The following ZDHHC21 variants were observed in gnomAD, a reference collection of about 807,000 sequenced individuals.
ZDHHC21 encodes the protein zDHHC palmitoyltransferase 21.
Under a neutral mutation model 34.6 loss-of-function variants are expected in ZDHHC21, and 15 were observed. That is an observed-to-expected ratio of 0.43 (90% CI 0.29 to 0.67). The LOEUF is 0.67. Ranked by LOEUF, ZDHHC21 falls within the 30% of genes least tolerant of loss-of-function variation. The pLI, the probability that ZDHHC21 is intolerant of heterozygous loss-of-function variation, is 0.14. For missense variants in ZDHHC21, 344 were observed against 327.7 expected (o/e 1.05, Z -0.38); for synonymous variants, 142 against 101.8 (o/e 1.40, Z -2.38).
At position 14,616,132 on chromosome 9, in the gene ZDHHC21, A is replaced by C. The variant is rs1455085759; in HGVS notation, c.*2834T>G. On this transcript the variant is annotated 3_prime_UTR_variant, in exon 10 of 10. Coordinates refer to ENST00000380916, the MANE Select transcript of ZDHHC21 (RefSeq NM_178566.6). ...ATTTCAAAACTGAGTAAAATAAACT[A>C]AATGTAGTTTTTTAGATATTCATTA... 2.0e-5 allele frequency: 3 copies of C among 151,820 alleles called. No homozygotes were observed. Among genetic ancestry groups the C allele is most frequent in the African/African-American group, 4.8e-5 (2 of 41,436 alleles). The allele number at this position is 151,820 out of a possible 1,614,324, so 9.4% of individuals were successfully genotyped here. A position where few individuals can be genotyped will look rare whatever the true frequency, so the allele number is the denominator to read the frequency against.
At chr9:14,597,552 G>A in the ZDHHC21 span, among the ~76,000 whole-genome samples, 6,147 of 152,180 alleles carry the variant, frequency 0.04, 457 homozygotes, top group African/African-American at 0.14. Context: ...GTGCTTTCAG[G>A]AGACCCAGGG....
At chr9:14,638,283 A>T (rs992523809) in intron 8 of ZDHHC21, among the ~76,000 whole-genome samples, 4 of 152,046 alleles carry the variant, frequency 2.6e-5, no homozygotes, top group Non-Finnish European at 4.4e-5. Context: ...CATTGGGGGA[A>T]AAAAACAGTC....
At chr9:14,653,124 G>A (rs188445596) in intron 7 of ZDHHC21, among the ~76,000 whole-genome samples, 15 of 152,006 alleles carry the variant, frequency 9.9e-5, no homozygotes. Context: ...GACCTTCGGG[G>A]ATCTTATTCC....
intron 6 of ZDHHC21, among the ~76,000 whole-genome samples, chr9:14,660,533 C>T (rs1473781947): frequency 2.6e-5 from 4 of 152,114 alleles, no homozygotes; most frequent in Non-Finnish European, 5.9e-5. Flanking sequence ...TTACACTGTA[C>T]ATTTCCCCTG....
intron 7 of ZDHHC21, among the ~76,000 whole-genome samples, chr9:14,656,298 A>T (rs889765597): frequency 1.3e-5 from 2 of 151,934 alleles, no homozygotes; most frequent in Non-Finnish European, 2.9e-5. Flanking sequence ...TTACTCTATT[A>T]AACTTAAGTA....
intron 7 of ZDHHC21, among the ~76,000 whole-genome samples, chr9:14,641,431 A>G (rs1320519482): frequency 6.6e-6 from 1 of 152,204 alleles, no homozygotes; most frequent in Non-Finnish European, 1.5e-5. Context: ...CACTATTTAA[A>G]AACACAAATT....
intron 5 of ZDHHC21, among the ~76,000 whole-genome samples, chr9:14,662,888 G>A (rs1260408223): frequency 6.6e-6 from 1 of 152,136 alleles, no homozygotes; most frequent in African/African-American, 2.4e-5. Flanking sequence ...GTATGGGACA[G>A]GTTAGAGAAG....
chr9:14,685,155 T>C lies in ZDHHC21; in HGVS notation c.-175-4993A>G, dbSNP rs1275443386. ...GACATAGGCATGGGCAAGGACTTCA[T>C]GTCTAAAACACCAAAAGCAATGGCA... On this transcript the variant is annotated intron_variant, in intron 2 of 9. Transcript: ENST00000380916. Among the ~76,000 whole-genome samples the C allele has an allele frequency of 5.9e-5, 9 of 151,784 alleles. No homozygotes were observed. The East Asian group carries it at 1.7e-3, about 29-fold the overall frequency.
chr9:14,607,276 C>T (rs765213211), downstream of ZDHHC21, among the ~76,000 whole-genome samples: 3 of 151,886 alleles, frequency 2.0e-5, no homozygotes, highest in Admixed American at 6.6e-5. Flanking sequence ...GGCAAAATCC[C>T]GACTCTACAA....
the ZDHHC21 span, among the ~76,000 whole-genome samples, chr9:14,600,804 T>C: frequency 6.6e-6 from 1 of 152,118 alleles, no homozygotes; most frequent in African/African-American, 2.4e-5. Context: ...AAAACAGATA[T>C]ATAGACCAAT....
intron 8 of ZDHHC21, among the ~76,000 whole-genome samples, chr9:14,638,755 G>A (rs1187127062): frequency 2.0e-5 from 3 of 151,848 alleles, no homozygotes; most frequent in Non-Finnish European, 2.9e-5. Context: ...TAGCCAACAG[G>A]TATATGAAAA....
chr9:14,603,403 C>T, the ZDHHC21 span, among the ~76,000 whole-genome samples: 1 of 151,862 alleles, frequency 6.6e-6, no homozygotes, highest in Non-Finnish European at 1.5e-5. Flanking sequence ...TTAAGATAAC[C>T]ACTGGAAGAA....
chr9:14,678,454 T>C (rs1428954005), intron 3 of ZDHHC21, among the ~76,000 whole-genome samples: 1 of 151,998 alleles, frequency 6.6e-6, no homozygotes, highest in Non-Finnish European at 1.5e-5. Context: ...TGGCTAATCA[T>C]TACTGATTAG....
intron 2 of ZDHHC21, among the ~76,000 whole-genome samples, chr9:14,687,671 G>C (rs891592692): frequency 1.3e-5 from 2 of 150,622 alleles, no homozygotes; most frequent in African/African-American, 5.0e-5. Flanking sequence ...CCAGAGTAAG[G>C]CCCTGTCTCA....
chr9:14,677,151 T>C (rs1836553956), intron 3 of ZDHHC21, among the ~76,000 whole-genome samples: 1 of 152,042 alleles, frequency 6.6e-6, no homozygotes. Context: ...GTGAAAAGTA[T>C]AGTTTAAAAT....
At chr9:14,620,088 T>G (rs1825025382) in intron 8 of ZDHHC21, among the ~76,000 whole-genome samples, 1 of 152,016 alleles carries the variant, frequency 6.6e-6, no homozygotes, top group Non-Finnish European at 1.5e-5. Flanking sequence ...GAAAACTGCC[T>G]AAGAGTCAGG....
Position 14,658,772 on chromosome 9 carries a change from G to A in ZDHHC21, c.481C>T (p.Leu161Phe). 1.2e-6 allele frequency: 2 copies of A among 1,613,480 alleles called. No homozygotes were observed. Among genetic ancestry groups the A allele is most frequent in the Non-Finnish European group, 1.7e-6 (2 of 1,179,846 alleles). ...ACCAAATTACGCTTTTTTAGTGGAA[G>A]AAAATAGTAATAGTGGCAGAAAGAA... ...MFSFCHYYYF[L>F]PLKKRNLDLF... is the part of the protein sequence containing the mutation. The change falls in exon 7 of 10, where the codon CTT becomes TTT. Residue 161 changes from leucine to phenylalanine, a missense_variant. Physicochemically the swap from Leu to Phe is conservative, Grantham distance 22. Transcript: ENST00000380916.
chr9:14,691,549 T>C (rs1237173188), intron 1 of ZDHHC21, among the ~76,000 whole-genome samples: 1 of 152,236 alleles, frequency 6.6e-6, no homozygotes, highest in African/African-American at 2.4e-5. Context: ...GAACTTCCTG[T>C]TAAGCTGATT....
chr9:14,640,451 T>C (rs1034069084), intron 7 of ZDHHC21, among the ~76,000 whole-genome samples: 2 of 152,124 alleles, frequency 1.3e-5, no homozygotes, highest in African/African-American at 4.8e-5. Context: ...TTCATATTAC[T>C]AAAGTTCAAG....
Sources: allele counts gnomAD v4.1 joint callset (sites outside exome capture counted in the v4.1 genomes callset), GRCh38; gene constraint gnomAD v4.1.1; transcripts MANE v1.5; gene names NCBI Gene and HGNC (gene_info 2026-07-23, HGNC 2026-07-21).